Variants in KMT2C observed in about 807,000 individuals in gnomAD.
KMT2C encodes the protein lysine methyltransferase 2C.
KMT2C carries 88 observed loss-of-function variants against 507.9 expected under a neutral mutation model. The ratio of observed to expected loss-of-function variants is 0.17; its 90% CI spans 0.15 to 0.21. The LOEUF is 0.21. KMT2C is among the 10% of genes least tolerant of loss of function. KMT2C has a pLI of 1.00. For missense variants in KMT2C, 4,954 were observed against 5,957.8 expected, an observed-to-expected ratio of 0.83 and a Z score of 5.55; for synonymous variants, 2,049 against 2,080.8, an observed-to-expected ratio of 0.98 and a Z score of 0.42.
intron 40 of KMT2C, among the ~76,000 whole-genome samples, chr7:152,170,413 T>C (rs1276961602): frequency 1.3e-5 from 2 of 152,166 alleles, no homozygotes; most frequent in Non-Finnish European, 2.9e-5. Flanking sequence ...CCCCAGATAC[T>C]GCTTGATATT....
intron 14 of KMT2C, among the ~76,000 whole-genome samples, chr7:152,246,966 T>C (rs6978008): frequency 0.11 from 16,815 of 152,136 alleles, 2,251 homozygotes; most frequent in African/African-American, 0.32. Context: ...TCTTAAAAGC[T>C]TGGCCTTACA....
At chr7:152,389,054 T>C (rs899379717) in intron 1 of KMT2C, among the ~76,000 whole-genome samples, 1 of 151,256 alleles carries the variant, frequency 6.6e-6, no homozygotes, top group Non-Finnish European at 1.5e-5. Flanking sequence ...GACCAACTTT[T>C]TGTATTTTTA....
chr7:152,408,546 G>A (rs1047014920), intron 1 of KMT2C, among the ~76,000 whole-genome samples: 3 of 151,712 alleles, frequency 2.0e-5, no homozygotes, highest in South Asian at 2.1e-4. Context: ...ACCTGAGCTC[G>A]GCCTCCTCTA....
intron 2 of KMT2C, among the ~76,000 whole-genome samples, chr7:152,347,967 A>G (rs953968036): frequency 6.6e-6 from 1 of 151,970 alleles, no homozygotes; most frequent in Non-Finnish European, 1.5e-5. Context: ...TGTTTCAGAA[A>G]GGAGGGAAAA....
intron 3 of KMT2C, among the ~76,000 whole-genome samples, chr7:152,326,876 G>T (rs774427011): frequency 6.4e-4 from 98 of 152,140 alleles, no homozygotes; most frequent in Admixed American, 9.8e-4. Context: ...GCAAGACTCT[G>T]TCTCAAAAAA....
At chr7:152,410,841 A>G (rs1305512536) in intron 1 of KMT2C, among the ~76,000 whole-genome samples, 2 of 151,870 alleles carry the variant, frequency 1.3e-5, no homozygotes, top group Non-Finnish European at 2.9e-5. Flanking sequence ...TACAAAAAAT[A>G]AAAGATAAAA....
intron 1 of KMT2C, among the ~76,000 whole-genome samples, chr7:152,422,890 G>A (rs1163908211): frequency 6.6e-6 from 1 of 151,850 alleles, no homozygotes; most frequent in African/African-American, 2.4e-5. Context: ...AGGCATGGTG[G>A]CCTGTAGTCC....
rs1035854337 is a variant in KMT2C at position 152,158,924 on chromosome 7, T to A, written c.11609A>T (p.Lys3870Met). The change falls in exon 44 of 59, where the codon AAG (lysine) becomes ATG (methionine). Residue 3870 changes from lysine to methionine, a missense_variant. Lys to Met is a moderately conservative substitution (Grantham distance 95). Around this residue, in one of 29 missense-constraint regions of KMT2C, gnomAD observed 801 missense variants for 751.2 expected, o/e 1.07. Coordinates refer to ENST00000262189, the MANE Select transcript of KMT2C (RefSeq NM_170606.3). ...CATAGCTTGTTTCTCCTCTTCGTCCTTTTTCCTTTTCTTTGAGCGAGGTGC... is the reference window on the plus strand; with the variant it reads ...CATAGCTTGTTTCTCCTCTTCGTCCATTTTCCTTTTCTTTGAGCGAGGTGC... Reference protein sequence around the residue: ...KAAPRSKKRKKDEEEKQAMYS... With the variant: ...KAAPRSKKRKMDEEEKQAMYS... The A allele has an allele frequency of 6.2e-7, 1 of 1,613,956 alleles. No individual in the cohort carries two copies.
chr7:152,261,234 C>G (rs1189229416), intron 9 of KMT2C, among the ~76,000 whole-genome samples: 1 of 152,226 alleles, frequency 6.6e-6, no homozygotes, highest in Non-Finnish European at 1.5e-5. Context: ...CCTGATCCCT[C>G]AACAAAAAAC....
chr7:152,169,745 C>T (rs1175804987), intron 40 of KMT2C, among the ~76,000 whole-genome samples: 1 of 152,160 alleles, frequency 6.6e-6, no homozygotes, highest in Non-Finnish European at 1.5e-5. Context: ...ATTTTCTACA[C>T]ACGCCTGTAG....
chr7:152,410,999 T>C (rs1445571801), intron 1 of KMT2C, among the ~76,000 whole-genome samples: 1 of 151,866 alleles, frequency 6.6e-6, no homozygotes, highest in Non-Finnish European at 1.5e-5. Flanking sequence ...CGAGACCAAG[T>C]CTCAAAAAAA....
In KMT2C at chr7:152,179,915, C is replaced by T. The variant is rs2129118038; in HGVS notation, c.7361G>A (p.Arg2454Lys). ...RSPVAPPLGPRYAVFPKDQRG... is the reference protein window; with the variant it reads ...RSPVAPPLGPKYAVFPKDQRG... Reference sequence around the variant, plus strand: ...CTGATCTTTTGGGAAAACAGCATATCTAGGTCCTAAAGGAGGGGCAACAGG... The same window carrying T: ...CTGATCTTTTGGGAAAACAGCATATTTAGGTCCTAAAGGAGGGGCAACAGG... Residue 2454 changes from arginine (R) to lysine (K), a missense_variant, in exon 37 of 59, where the codon AGA becomes AAA. Physicochemically the swap from Arg to Lys is conservative, Grantham distance 26 (BLOSUM62 2). Coordinates refer to ENST00000262189, the MANE Select transcript of KMT2C (RefSeq NM_170606.3). 2 of 1,614,072 alleles carry T rather than the reference C, an allele frequency of 1.2e-6. No individual in the cohort carries two copies. Among genetic ancestry groups the T allele is most frequent in the South Asian group, 2.2e-5 (2 of 91,068 alleles).
intron 52 of KMT2C, among the ~76,000 whole-genome samples, chr7:152,147,393 G>C (rs1306053989): frequency 6.6e-6 from 1 of 151,952 alleles, no homozygotes. Context: ...TTAAGAAAAA[G>C]GGGGTCCCTG....
chr7:152,200,288 A>G (rs1393377832), intron 26 of KMT2C, among the ~76,000 whole-genome samples: 1 of 152,238 alleles, frequency 6.6e-6, no homozygotes, highest in Admixed American at 6.5e-5. Flanking sequence ...CTTAATGTCT[A>G]TCAACAGGCA....
intron 1 of KMT2C, among the ~76,000 whole-genome samples, chr7:152,431,393 T>C (rs551009222): frequency 2.6e-5 from 4 of 152,044 alleles, no homozygotes; most frequent in African/African-American, 9.6e-5. Context: ...GGTCAAGAGA[T>C]TGAGACCATC....
rs560645863 is a variant in KMT2C at position 152,206,896 on chromosome 7, G to A, written c.3841+404C>T. Among the ~76,000 whole-genome samples the A allele has an allele frequency of 1.7e-4, 26 of 152,154 alleles. 2 individuals carry two copies. In the South Asian group the frequency reaches 5.4e-3, roughly 32 times the overall value. On this transcript the variant is annotated intron_variant, in intron 24 of 58. Coordinates refer to ENST00000262189, the MANE Select transcript of KMT2C (RefSeq NM_170606.3). ...ACACTGTATACTTACTGGCACTCCT[G>A]CATAAACACTGAAATAAGTTTTTTC...
At chr7:152,375,028 C>T (rs1227100124) in intron 1 of KMT2C, among the ~76,000 whole-genome samples, 1 of 152,080 alleles carries the variant, frequency 6.6e-6, no homozygotes, top group East Asian at 1.9e-4. Flanking sequence ...CATTTTATTT[C>T]ACGTCACAGA....
chr7:152,252,069 G>C lies in KMT2C; in HGVS notation c.1491C>G (p.Asp497Glu). Residue 497 changes from aspartate (D) to glutamate (E), a missense_variant, in exon 11 of 59, where the codon GAC (aspartate) becomes GAG (glutamate). Transcript: ENST00000262189. ...TATCCAGTTCATGATCTGTTGGTTT[G>C]TCACACTCTAGGTGAACCCACCTGC... ...MCKRWVHLEC[D>E]KPTDHELDTQ... 6.2e-7 allele frequency: 1 copy of C among 1,611,032 alleles called. No homozygotes were observed. The highest frequency in any genetic ancestry group is 8.5e-7 in the Non-Finnish European group (1 of 1,178,374).
At chr7:152,360,940 TAAAAA>T (rs35541469) in intron 1 of KMT2C, among the ~76,000 whole-genome samples, 2 of 144,190 alleles carry the variant, frequency 1.4e-5, no homozygotes, top group Admixed American at 1.4e-4. Context: ...TAACCAAAAA[TAAAAA>T]AAAGGAAGTA....
Sources: gnomAD v4.1 joint callset for allele counts (sites outside exome capture counted in the v4.1 genomes callset) on GRCh38, gnomAD v4.1.1 for gene constraint, gnomAD v4.1.1 regional missense constraint, MANE v1.5 for transcripts, NCBI Gene and HGNC (gene_info 2026-07-23, HGNC 2026-07-21) for gene names.